DYNC2I1: variants seen among roughly 807,000 people sequenced by gnomAD.
The protein encoded by DYNC2I1 is cytoplasmic dynein 2 intermediate chain 1.
DYNC2I1 carries 89 observed loss-of-function variants against 133.4 expected under a neutral mutation model. That is an observed-to-expected ratio of 0.67 (90% CI 0.56 to 0.80). DYNC2I1 has a LOEUF of 0.80. Among genes scored for constraint, DYNC2I1 ranks in the 30% least tolerant of loss-of-function variants. The probability of loss-of-function intolerance (pLI) is 0.00; values close to 1 mark genes in which losing one functional copy is unlikely to be tolerated. For missense variants in DYNC2I1, 1,291 were observed against 1,314.5 expected, an observed-to-expected ratio of 0.98 and a Z score of 0.28; for synonymous variants, 504 against 484.3, an observed-to-expected ratio of 1.04 and a Z score of -0.54.
At chr7:158,908,129 T>C (rs1435360821) in intron 11 of DYNC2I1, among the ~76,000 whole-genome samples, 1 of 151,718 alleles carries the variant, frequency 6.6e-6, no homozygotes, top group East Asian at 1.9e-4. Context: ...TTTATACGCG[T>C]GTGGGGTGAG....
chr7:158,883,218 CTTTTTTTTTTT>C (rs201980757), intron 5 of DYNC2I1, among the ~76,000 whole-genome samples: 2 of 134,398 alleles, frequency 1.5e-5, no homozygotes, highest in Non-Finnish European at 3.2e-5. Flanking sequence ...TTTTCTTCTT[CTTTTTTTTTTT>C]TTTTTTGAGA....
Position 158,930,927 on chromosome 7 carries a change from CA to C in DYNC2I1, c.2546+415del, listed in dbSNP as rs551274001. Among the ~76,000 whole-genome samples, 565 of 152,286 alleles carry C rather than the reference CA, an allele frequency of 3.7e-3. 10 individuals carry two copies. The highest frequency in any genetic ancestry group is 0.012 in the African/African-American group (515 of 41,562). Reference sequence around the variant, plus strand: ...AGGTGATCCACCCACCTCAGCCTCCCAAAGTGCTGGGATTACAGGTGTGAGC... The same window carrying C: ...AGGTGATCCACCCACCTCAGCCTCCCAAGTGCTGGGATTACAGGTGTGAGC... On this transcript the variant is annotated intron_variant, in intron 21 of 24. Transcript: ENST00000407559.
chr7:158,900,322 A>G (rs893924491), intron 8 of DYNC2I1, among the ~76,000 whole-genome samples: 7 of 151,986 alleles, frequency 4.6e-5, no homozygotes, highest in Non-Finnish European at 7.4e-5. Flanking sequence ...GGGTTTCACC[A>G]TGTTAGTCAG....
chr7:158,924,286 C>T (rs1293306998), intron 17 of DYNC2I1, among the ~76,000 whole-genome samples: 4 of 152,212 alleles, frequency 2.6e-5, no homozygotes, highest in Admixed American at 6.5e-5. Context: ...AGGAAGATGC[C>T]GCGTTTATCC....
chr7:158,886,935 G>C, intron 6 of DYNC2I1, 86 bp from the exon 7 acceptor site: 1 of 1,247,342 alleles, frequency 8.0e-7, no homozygotes, highest in Non-Finnish European at 1.2e-6. Flanking sequence ...ATATTGTTAA[G>C]AGCTTTCACT....
chr7:158,918,865 T>G lies in DYNC2I1; in HGVS notation c.1917T>G (p.Leu639=), dbSNP rs1205803632. The G allele has an allele frequency of 6.2e-7, 1 of 1,612,384 alleles. No individual in the cohort carries two copies. Among genetic ancestry groups the G allele is most frequent in the Non-Finnish European group, 8.5e-7 (1 of 1,178,834 alleles). The change falls in exon 15 of 25, where the codon CTT becomes CTG. Residue 639 remains leucine (L), a synonymous_variant. Coordinates refer to ENST00000407559, the MANE Select transcript of DYNC2I1 (RefSeq NM_018051.5). ...AGCTGAACACCAGTCTACCATTCCT[T>G]CAAAGTAAGAGGCTGTTCTCAAATA... is the stretch of plus-strand genomic sequence containing the variant. ...SSQLNTSLPF[L]QNRKVSSLHT... is the part of the protein sequence containing the mutation.
chr7:158,859,516 T>G (rs1841682133), intron 1 of DYNC2I1, among the ~76,000 whole-genome samples: 1 of 152,158 alleles, frequency 6.6e-6, no homozygotes, highest in Non-Finnish European at 1.5e-5. Context: ...AAATTCATTT[T>G]TTTTGAGACA....
intron 5 of DYNC2I1, among the ~76,000 whole-genome samples, chr7:158,883,855 G>A (rs1844318379): frequency 6.8e-6 from 1 of 147,784 alleles, no homozygotes; most frequent in Admixed American, 6.7e-5. Context: ...TAGTAGAGAC[G>A]GAGTTTCACC....
chr7:158,846,480 A>G, the DYNC2I1 span, among the ~76,000 whole-genome samples: 1 of 152,148 alleles, frequency 6.6e-6, no homozygotes, highest in Non-Finnish European at 1.5e-5. Context: ...GCATGTTGGG[A>G]ATTGTCTATG....
intron 14 of DYNC2I1, among the ~76,000 whole-genome samples, chr7:158,915,045 C>G (rs942272460): frequency 3.6e-4 from 54 of 151,848 alleles, no homozygotes; most frequent in Admixed American, 7.2e-4. Flanking sequence ...GTTGTGAAAC[C>G]TCAACACGCT....
At position 158,856,610 on chromosome 7, in the gene DYNC2I1, T is replaced by G. The variant is rs1240758964; in HGVS notation, c.-126T>G. ...GTGCTTCTGGGCCCTCTGCTGCTCC[T>G]GCTTGTCGGTTGCTAGGCGCTGGGA... On this transcript the variant is annotated 5_prime_UTR_variant, in exon 1 of 25. Coordinates refer to ENST00000407559, the MANE Select transcript of DYNC2I1 (RefSeq NM_018051.5). The G allele has an allele frequency of 3.9e-6, 4 of 1,014,564 alleles. No homozygotes were observed. The highest frequency in any genetic ancestry group is 3.8e-6 in the Non-Finnish European group (3 of 790,744). 62.8% of individuals were successfully genotyped at this position (1,014,564 alleles called of 1,614,324 possible). A position where few individuals can be genotyped will look rare whatever the true frequency, so the allele number is the denominator to read the frequency against.
Position 158,930,482 on chromosome 7 carries a change from T to C in DYNC2I1, c.2513T>C (p.Leu838Pro), listed in dbSNP as rs1850110131. Residue 838 changes from leucine to proline, a missense_variant, in exon 21 of 25, where the codon CTG (leucine) becomes CCG (proline). Leu to Pro is a moderately conservative substitution (Grantham distance 98, BLOSUM62 -3). Coordinates refer to ENST00000407559, the MANE Select transcript of DYNC2I1 (RefSeq NM_018051.5). ...CTGATGCCTGGAGGGAGGGTCAAGCTGGTACATAGTGCTCTGATCCAGTTG... is the reference window on the plus strand; with the variant it reads ...CTGATGCCTGGAGGGAGGGTCAAGCCGGTACATAGTGCTCTGATCCAGTTG... The part of the protein sequence containing the change: ...LGLMPGGRVK[L>P]VHSALIQLGD... 1 of 1,613,012 alleles carries C rather than the reference T, an allele frequency of 6.2e-7. No homozygotes were observed. The highest frequency in any genetic ancestry group is 2.2e-5 in the East Asian group (1 of 44,892).
At chr7:158,889,200 C>G (rs539078299) in intron 7 of DYNC2I1, among the ~76,000 whole-genome samples, 63 of 152,056 alleles carry the variant, frequency 4.1e-4, no homozygotes, top group African/African-American at 1.5e-3. Flanking sequence ...CCTGCCTCAG[C>G]CTCCTGAGTA....
In DYNC2I1 at chr7:158,876,830, A is replaced by G. The variant is rs1029866482; in HGVS notation, c.573+139A>G. On this transcript the variant is annotated intron_variant, in intron 4 of 24. Transcript: ENST00000407559. Reference sequence around the variant, plus strand: ...CTGGAAAAGGCCTCCAGCACTGTGTATAGTCAGTTTCTTTCTCCTCATAGT... The same window carrying G: ...CTGGAAAAGGCCTCCAGCACTGTGTGTAGTCAGTTTCTTTCTCCTCATAGT... 1.4e-5 allele frequency: 16 copies of G among 1,116,168 alleles called. No individual in the cohort carries two copies. In the African/African-American group the frequency reaches 2.3e-4, roughly 16 times the overall value. 69.1% of individuals were successfully genotyped at this position (1,116,168 alleles called of 1,614,324 possible). A position where few individuals can be genotyped will look rare whatever the true frequency, so the allele number is the denominator to read the frequency against.
At chr7:158,878,492 G>GAT (rs1364410855) in intron 4 of DYNC2I1, among the ~76,000 whole-genome samples, 7 of 134,374 alleles carry the variant, frequency 5.2e-5, no homozygotes, top group African/African-American at 1.7e-4. Flanking sequence ...CATGTGGAGG[G>GAT]GCCAGGAGGG....
intron 5 of DYNC2I1, among the ~76,000 whole-genome samples, chr7:158,881,649 T>C (rs942563992): frequency 3.3e-5 from 5 of 152,018 alleles, no homozygotes; most frequent in South Asian, 4.2e-4. Flanking sequence ...GAGACGGGGT[T>C]TCACCGTGTT....
At chr7:158,858,849 C>T (rs1338826270) in intron 1 of DYNC2I1, among the ~76,000 whole-genome samples, 1 of 68,476 alleles carries the variant, frequency 1.5e-5, no homozygotes, top group Non-Finnish European at 2.8e-5. Flanking sequence ...TTTCCCCTCC[C>T]TTCCTCTCCC....
At chr7:158,915,628 CAGGATG>C (rs1848089626) in intron 14 of DYNC2I1, among the ~76,000 whole-genome samples, 3 of 21,750 alleles carry the variant, frequency 1.4e-4, no homozygotes, top group African/African-American at 2.7e-4. Context: ...CGCTGGTTGA[CAGGATG>C]ATTGTGAAAC....
At chr7:158,918,000 C>G (rs1335305358) in intron 14 of DYNC2I1, among the ~76,000 whole-genome samples, 2 of 152,266 alleles carry the variant, frequency 1.3e-5, no homozygotes, top group East Asian at 1.9e-4. Context: ...CTTTCACTGT[C>G]TGTTTCTGCC....
Sources: gnomAD v4.1 joint callset for allele counts (sites outside exome capture counted in the v4.1 genomes callset) on GRCh38, gnomAD v4.1.1 for gene constraint, MANE v1.5 for transcripts, NCBI Gene and HGNC (gene_info 2026-07-23, HGNC 2026-07-21) for gene names.